Variants in KANK2 observed in about 807,000 individuals in gnomAD.
The protein encoded by KANK2 is KN motif and ankyrin repeat domains 2.
A neutral mutation model predicts 74.6 loss-of-function variants in KANK2; 41 were observed. The observed-to-expected ratio is 0.55, with a 90% confidence interval of 0.43 to 0.71. The LOEUF (loss-of-function observed/expected upper bound fraction) is 0.71, where lower values mean the gene tolerates loss of function less well. Among genes scored for constraint, KANK2 ranks in the 30% least tolerant of loss-of-function variants. The pLI is 0.00. For synonymous variants in KANK2, 537 were observed against 519.0 expected, an observed-to-expected ratio of 1.03 and a Z score of -0.47; for missense variants, 1,148 against 1,196.4, an observed-to-expected ratio of 0.96 and a Z score of 0.60.
At position 11,174,879 on chromosome 19, in the gene KANK2, T is replaced by A. The variant is rs116966086; in HGVS notation, c.1849-187A>T. On this transcript the variant is annotated intron_variant, in intron 8 of 12. Transcript: ENST00000586659. Reference sequence around the variant, plus strand: ...TCCCAATAAGACCCTTGGAGTGAGGTGTGGACTTTGCAATCCCCAACACGT... The same window carrying A: ...TCCCAATAAGACCCTTGGAGTGAGGAGTGGACTTTGCAATCCCCAACACGT... Among the ~76,000 whole-genome samples, 484 of 151,776 alleles carry A rather than the reference T, an allele frequency of 3.2e-3. 18 individuals carry two copies. In the East Asian group the frequency reaches 0.087, roughly 27 times the overall value.
At position 11,192,919 on chromosome 19, in the gene KANK2, T is replaced by C; in HGVS notation, c.1161A>G (p.Thr387=). The C allele has an allele frequency of 6.2e-7, 1 of 1,614,130 alleles. No individual in the cohort carries two copies. Among genetic ancestry groups the C allele is most frequent in the South Asian group, 1.1e-5 (1 of 91,084 alleles). The change falls in exon 4 of 13, where the codon ACA becomes ACG. Residue 387 remains threonine (T), a synonymous_variant. Coordinates refer to ENST00000586659, the MANE Select transcript of KANK2 (RefSeq NM_001136191.3). The part of the protein sequence containing the change: ...PVFRSQEVVE[T]MCPVPAAATS... ...TAGCTGCAGCGGGCACTGGGCACAT[T>C]GTCTCCACCACCTCCTGGCTGCGGA... is the stretch of plus-strand genomic sequence containing the variant.
intron 4 of KANK2, among the ~76,000 whole-genome samples, chr19:11,191,705 A>T (rs1467046962): frequency 6.6e-6 from 1 of 152,214 alleles, no homozygotes; most frequent in East Asian, 1.9e-4. Context: ...TGCCTGCCTG[A>T]AAGAGAAGCT....
rs186909287 is a variant in KANK2 at position 11,174,530 on chromosome 19, G to A, written c.2011C>T (p.Leu671=). Residue 671 remains leucine, a synonymous_variant, in exon 9 of 13, where the codon CTG becomes TTG. Coordinates refer to ENST00000586659, the MANE Select transcript of KANK2 (RefSeq NM_001136191.3). ...NIADSNGNTA[L]HYSVSHANFP... is the part of the protein sequence containing the mutation. ...TTGGCATGAGACACGGAGTAGTGCAGGGCTGTGTTGCCGTTGCTGTCGGCG... is the reference window on the plus strand; with the variant it reads ...TTGGCATGAGACACGGAGTAGTGCAAGGCTGTGTTGCCGTTGCTGTCGGCG... 5.6e-5 allele frequency: 90 copies of A among 1,613,692 alleles called. No individual in the cohort carries two copies. In the East Asian group the frequency reaches 1.9e-3, roughly 34 times the overall value.
At position 11,177,495 on chromosome 19, in the gene KANK2, C is replaced by T. The variant is rs1260015741; in HGVS notation, c.1521-678G>A. 2.6e-5 allele frequency among the ~76,000 whole-genome samples: 4 copies of T among 152,064 alleles called. No individual in the cohort carries two copies. In the East Asian group the frequency reaches 7.7e-4, roughly 29 times the overall value. ...TCAGCCTCCCAAGTAGCTGGGACTG[C>T]AGGCACCCACCACACCCAGCTATTT... On this transcript the variant is annotated intron_variant, in intron 6 of 12. Transcript: ENST00000586659.
chr19:11,166,424 A>C lies in KANK2; in HGVS notation c.*134T>G. On this transcript the variant is annotated 3_prime_UTR_variant, in exon 13 of 13. Coordinates refer to ENST00000586659, the MANE Select transcript of KANK2 (RefSeq NM_001136191.3). Reference sequence around the variant, plus strand: ...GGGGCTCCCCCAGGGAAGCAGAGGGAGAGCTCGCTTGCCTTTGAGCCGTGG... The same window carrying C: ...GGGGCTCCCCCAGGGAAGCAGAGGGCGAGCTCGCTTGCCTTTGAGCCGTGG... 3.9e-6 allele frequency: 3 copies of C among 767,204 alleles called. No individual in the cohort carries two copies. The highest frequency in any genetic ancestry group is 6.5e-6 in the Non-Finnish European group (3 of 459,526). The allele number at this position is 767,204 out of a possible 1,614,324, so 47.5% of individuals were successfully genotyped here. A position where few individuals can be genotyped will look rare whatever the true frequency, so the allele number is the denominator to read the frequency against.
intron 12 of KANK2, among the ~76,000 whole-genome samples, chr19:11,167,042 G>A (rs1408614259): frequency 1.3e-5 from 2 of 152,126 alleles, no homozygotes; most frequent in African/African-American, 4.8e-5. Flanking sequence ...AGGGCCTGGT[G>A]GGCTTTGGAG....
At chr19:11,190,553 C>T (rs2078812335) in intron 4 of KANK2, among the ~76,000 whole-genome samples, 1 of 152,170 alleles carries the variant, frequency 6.6e-6, no homozygotes, top group African/African-American at 2.4e-5. Context: ...GCAACCAGTA[C>T]TTAACCGTGT....
Position 11,194,015 on chromosome 19 carries a change from G to A in KANK2, c.65C>T (p.Ala22Val). The change falls in exon 4 of 13, where the codon GCC becomes GTC. Residue 22 changes from alanine to valine, a missense_variant. Coordinates refer to ENST00000586659, the MANE Select transcript of KANK2 (RefSeq NM_001136191.3). Reference protein sequence around the residue: ...PGTPGPASPPAFPAKDPDPPY... With the variant: ...PGTPGPASPPVFPAKDPDPPY... ...TGGATCGGGGTCCTTGGCAGGGAAG[G>A]CAGGTGGGGAGGCTGGGCCAGGGGT... is the stretch of plus-strand genomic sequence containing the variant. 1 of 1,611,196 alleles carries A rather than the reference G, an allele frequency of 6.2e-7. No homozygotes were observed. The highest frequency in any genetic ancestry group is 2.2e-5 in the East Asian group (1 of 44,832).
intron 6 of KANK2, among the ~76,000 whole-genome samples, chr19:11,177,400 G>C (rs531260346): frequency 2.0e-5 from 3 of 152,114 alleles, no homozygotes; most frequent in African/African-American, 7.2e-5. Flanking sequence ...TGTCGCCCAG[G>C]CTAGAGTGCA....
intron 4 of KANK2, among the ~76,000 whole-genome samples, chr19:11,186,291 G>A (rs2078672698): frequency 6.6e-6 from 1 of 151,950 alleles, no homozygotes; most frequent in South Asian, 2.1e-4. Flanking sequence ...GAGATGCTGA[G>A]GCACAAGAAT....
upstream of KANK2, chr19:11,197,800 C>CCTCCCACTGCCGGCCT (rs2079067521): frequency 2.0e-5 from 1 of 50,976 alleles, no homozygotes; most frequent in African/African-American, 8.4e-5. Context: ...CTGCCGGCCT[C>CCTCCCACTGCCGGCCT]CCCCCCACCG....
In KANK2 at chr19:11,188,596, G is replaced by A. The variant is rs551782293; in HGVS notation, c.1249+4235C>T. ...AACCCCTTGATAAGCCCGAGCCTTT[G>A]CTTATCTCAGGGCCTTTGTCCCTGC... is the stretch of plus-strand genomic sequence containing the variant. On this transcript the variant is annotated intron_variant, in intron 4 of 12. Transcript: ENST00000586659. 3.3e-5 allele frequency among the ~76,000 whole-genome samples: 5 copies of A among 150,160 alleles called. No individual in the cohort carries two copies. The South Asian group carries it at 1.1e-3, about 32-fold the overall frequency.
At chr19:11,169,349 C>T (rs2078108075) in intron 12 of KANK2, among the ~76,000 whole-genome samples, 1 of 150,922 alleles carries the variant, frequency 6.6e-6, no homozygotes, top group African/African-American at 2.4e-5. Context: ...AAAAACAAAA[C>T]AAAAAAAACT....
chr19:11,192,538 G>C (rs905843565), intron 4 of KANK2: 1 of 366,276 alleles, frequency 2.7e-6, no homozygotes, highest in Non-Finnish European at 5.3e-6. Flanking sequence ...TAGTTCAAGC[G>C]ATTCTCCTGC....
intron 6 of KANK2, among the ~76,000 whole-genome samples, chr19:11,177,062 G>A (rs2078363414): frequency 6.7e-6 from 1 of 148,400 alleles, no homozygotes; most frequent in South Asian, 2.1e-4. Context: ...TTCACCTCCT[G>A]CCTTTTGACA....
rs535324631 is a variant in KANK2, at chr19:11,173,877, G to C, written c.2068+596C>G. ...TCTCTGCCATTTGACTGGGAAGACA[G>C]CGTCTCCTCTATCAGACTGGGAGGG... On this transcript the variant is annotated intron_variant, in intron 9 of 12. Transcript: ENST00000586659. Among the ~76,000 whole-genome samples, 11 of 152,288 alleles carry C rather than the reference G, an allele frequency of 7.2e-5. No homozygotes were observed. In the East Asian group the frequency reaches 1.2e-3, roughly 16 times the overall value.
In KANK2 at chr19:11,170,263, G is replaced by T. The variant is rs1158731440; in HGVS notation, c.2212-15C>A. ...GTCTGTCCTGCCTGGGGAGGGCAAG[G>T]AACAGGATTATGGTTCATGCAGGCC... On this transcript the variant is annotated splice_polypyrimidine_tract_variant and intron_variant, in intron 10 of 12. Transcript: ENST00000586659. The surrounding 1 kb of genome is among the most constrained non-coding windows in gnomAD (Gnocchi z 5.2). The T allele has an allele frequency of 6.8e-6, 11 of 1,606,888 alleles. No individual in the cohort carries two copies. The highest frequency in any genetic ancestry group is 9.3e-6 in the Non-Finnish European group (11 of 1,179,234).
chr19:11,180,677 G>T (rs1390476826), intron 4 of KANK2, among the ~76,000 whole-genome samples: 2 of 152,146 alleles, frequency 1.3e-5, no homozygotes, highest in Non-Finnish European at 1.5e-5. Context: ...GTCCCTCTAT[G>T]ATTTTTCTTT....
chr19:11,176,910 G>T (rs1417284962), intron 6 of KANK2, 93 bp from the exon 7 acceptor site: 2 of 1,401,910 alleles, frequency 1.4e-6, no homozygotes, highest in Non-Finnish European at 1.9e-6. Flanking sequence ...TGACCTCTGT[G>T]GGCCTCAGCT....
Sources: gnomAD v4.1 joint callset for allele counts (sites outside exome capture counted in the v4.1 genomes callset) on GRCh38, gnomAD v4.1.1 for gene constraint, Gnocchi (gnomAD v3.1) non-coding constraint, MANE v1.5 for transcripts, NCBI Gene and HGNC (gene_info 2026-07-23, HGNC 2026-07-21) for gene names.